MANSC1: variants seen among roughly 807,000 people sequenced by gnomAD.
MANSC1 encodes the protein MANSC domain containing 1.
Under a neutral mutation model 14.1 loss-of-function variants are expected in MANSC1, and 13 were observed. That is an observed-to-expected ratio of 0.92 (90% CI 0.60 to 1.46). The LOEUF is 1.46. MANSC1 is among the 40% of genes most tolerant of loss of function. The probability of loss-of-function intolerance (pLI) is 0.00; values close to 1 mark genes in which losing one functional copy is unlikely to be tolerated. For synonymous variants in MANSC1, 227 were observed against 200.7 expected, an observed-to-expected ratio of 1.13 and a Z score of -1.11; for missense variants, 486 against 511.4, an observed-to-expected ratio of 0.95 and a Z score of 0.48.
chr12:12,338,323 T>C, intron 3 of MANSC1, 97 bp downstream of exon 3: 1 of 1,112,746 alleles, frequency 9.0e-7, no homozygotes, highest in Non-Finnish European at 1.3e-6. Context: ...TGGTACCCCT[T>C]CTGGTAGTTT....
intron 3 of MANSC1, among the ~76,000 whole-genome samples, chr12:12,332,553 C>T (rs1047230824): frequency 2.0e-5 from 3 of 152,230 alleles, no homozygotes; most frequent in Non-Finnish European, 4.4e-5. Context: ...CAGAGTCTCA[C>T]TCTGTCGCCC....
rs1428628378 is a variant in MANSC1, at chr12:12,330,430, G to A, written c.893C>T (p.Ala298Val). The A allele has an allele frequency of 2.5e-6, 4 of 1,614,118 alleles. No homozygotes were observed. In the African/African-American group the frequency reaches 4.0e-5, roughly 16 times the overall value. Residue 298 changes from alanine (A) to valine (V), a missense_variant, in exon 4 of 4, where the codon GCT becomes GTT. Ala to Val is a moderately conservative substitution (Grantham distance 64). Transcript: ENST00000535902. The stretch of plus-strand genomic sequence containing the variant: ...GGTGGTAGTCAGAACTGCTGTTGTA[G>A]CCATTGCTTGGAGTGTAGCCGCAGC... ...TRAAATLQAM[A>V]TTAVLTTTFQ...
At chr12:12,345,995 C>G (rs1863004470) in intron 1 of MANSC1, among the ~76,000 whole-genome samples, 1 of 152,162 alleles carries the variant, frequency 6.6e-6, no homozygotes, top group Non-Finnish European at 1.5e-5. Context: ...GCTTCCTGGC[C>G]AGGCGCCATG....
chr12:12,338,845 G>A, intron 2 of MANSC1: 1 of 443,386 alleles, frequency 2.3e-6, no homozygotes, highest in Non-Finnish European at 4.1e-6. Flanking sequence ...GTCTTTAAAG[G>A]CCAAGAAGGC....
chr12:12,343,105 T>C lies in MANSC1; in HGVS notation c.210A>G (p.Thr70=). 6.2e-7 allele frequency: 1 copy of C among 1,613,152 alleles called. No homozygotes were observed. Among genetic ancestry groups the C allele is most frequent in the African/African-American group, 1.3e-5 (1 of 75,048 alleles). ...QEDCINSCCS[T]KNISGDKACN... ...ACCACTATTTACCTGATATGTTTTT[T>C]GTTGAACAGCAAGAATTAATGCAGT... Residue 70 remains threonine, a synonymous_variant, in exon 2 of 4, where the codon ACA becomes ACG. Transcript: ENST00000535902.
intron 3 of MANSC1, 105 bp downstream of exon 3, chr12:12,338,315 G>C: frequency 9.9e-7 from 1 of 1,008,262 alleles, no homozygotes; most frequent in Non-Finnish European, 1.4e-6. Context: ...GATATGTCTG[G>C]TACCCCTTCT....
At chr12:12,332,242 C>G (rs1396913108) in intron 3 of MANSC1, among the ~76,000 whole-genome samples, 5 of 152,230 alleles carry the variant, frequency 3.3e-5, no homozygotes, top group African/African-American at 1.2e-4. Context: ...CACTCCTGCT[C>G]TCTTTTCCTT....
chr12:12,338,890 A>AACACACACAAACACACACAC (rs1555141161), intron 2 of MANSC1: 1 of 191,076 alleles, frequency 5.2e-6, no homozygotes, highest in African/African-American at 2.5e-5. Context: ...CACACACACA[A>AACACACACAAACACACACAC]ACACACACAC....
rs1250154732 is a variant in MANSC1, at chr12:12,330,419, C to A, written c.904G>T (p.Val302Phe). Residue 302 changes from valine (V) to phenylalanine (F), a missense_variant, in exon 4 of 4, where the codon GTT becomes TTT. By Grantham distance (50) the Val-to-Phe change is conservative (BLOSUM62 -1). Transcript: ENST00000535902. Reference protein sequence around the residue: ...ATLQAMATTAVLTTTFQAPTD... With the variant: ...ATLQAMATTAFLTTTFQAPTD... Reference sequence around the variant, plus strand: ...GGTGCCTGAAAGGTGGTAGTCAGAACTGCTGTTGTAGCCATTGCTTGGAGT... The same window carrying A: ...GGTGCCTGAAAGGTGGTAGTCAGAAATGCTGTTGTAGCCATTGCTTGGAGT... 1.9e-6 allele frequency: 3 copies of A among 1,614,092 alleles called. No homozygotes were observed. Among genetic ancestry groups the A allele is most frequent in the African/African-American group, 2.7e-5 (2 of 74,928 alleles).
Position 12,338,463 on chromosome 12 carries a change from T to C in MANSC1, c.321A>G (p.Pro107=), listed in dbSNP as rs764306002. The change falls in exon 3 of 4, where the codon CCA becomes CCG. Residue 107 remains proline, a synonymous_variant. Transcript: ENST00000535902. ...TCATAAGTCCTTTTGCTGGTTTCAA[T>C]GGACAGGCTTCCTCGTTGGGACAGA... ...LFFCPNEEAC[P]LKPAKGLMSY... The C allele has an allele frequency of 2.5e-6, 4 of 1,611,270 alleles. No individual in the cohort carries two copies. Among genetic ancestry groups the C allele is most frequent in the East Asian group, 2.2e-5 (1 of 44,840 alleles).
chr12:12,339,993 G>A (rs973171473), intron 2 of MANSC1, among the ~76,000 whole-genome samples: 3 of 151,828 alleles, frequency 2.0e-5, no homozygotes, highest in Admixed American at 1.3e-4. Flanking sequence ...TTTGTTTTTT[G>A]TAGAGGCGGG....
Position 12,344,439 on chromosome 12 carries a change from G to A in MANSC1, c.-100-1025C>T, listed in dbSNP as rs577584861. ...TAGAATATAAGCAGGCAGAAAATGC[G>A]AAAAAGAGAGACTGGCCTGGCCTCC... is the stretch of plus-strand genomic sequence containing the variant. On this transcript the variant is annotated intron_variant, in intron 1 of 3. Transcript: ENST00000535902. 4.0e-5 allele frequency among the ~76,000 whole-genome samples: 6 copies of A among 150,552 alleles called. No homozygotes were observed. In the East Asian group the frequency reaches 7.8e-4, roughly 20 times the overall value.
intron 2 of MANSC1, chr12:12,338,880 CACACACACAA>C: frequency 5.6e-6 from 2 of 356,722 alleles, no homozygotes; most frequent in South Asian, 2.6e-5. Context: ...TCCACAACCA[CACACACACAA>C]ACACACACAC....
At chr12:12,342,584 GTTTTTT>G (rs760560592) in intron 2 of MANSC1, among the ~76,000 whole-genome samples, 20 of 41,794 alleles carry the variant, frequency 4.8e-4, no homozygotes, top group African/African-American at 4.8e-4. Flanking sequence ...GTGTTTTTTT[GTTTTTT>G]TTTTTTTTTT....
chr12:12,344,595 G>A (rs908459591), intron 1 of MANSC1, among the ~76,000 whole-genome samples: 11 of 151,048 alleles, frequency 7.3e-5, no homozygotes, highest in African/African-American at 2.2e-4. Context: ...TCAGCCTTCC[G>A]AGTAGCTGGG....
chr12:12,332,780 C>T (rs933164655), intron 3 of MANSC1, among the ~76,000 whole-genome samples: 7 of 152,142 alleles, frequency 4.6e-5, no homozygotes, highest in Non-Finnish European at 7.3e-5. Flanking sequence ...TTCGGTCTCC[C>T]AAAGTGCTGG....
Position 12,327,033 on chromosome 12 carries a change from C to T in MANSC1, c.*2994G>A, listed in dbSNP as rs1157437823. The T allele has an allele frequency of 6.6e-6, 1 of 152,292 alleles. No individual in the cohort carries two copies. The highest frequency in any genetic ancestry group is 1.5e-5 in the Non-Finnish European group (1 of 68,130). The allele number at this position is 152,292 out of a possible 1,614,324, so 9.4% of individuals were successfully genotyped here. ...CCATGTTGGCCAGGCTGGTCTAGAA[C>T]TCCTGACCTCAGGTGATCCACCCAC... is the stretch of plus-strand genomic sequence containing the variant. On this transcript the variant is annotated 3_prime_UTR_variant, in exon 4 of 4. Coordinates refer to ENST00000535902, the MANE Select transcript of MANSC1 (RefSeq NM_018050.4).
At chr12:12,335,319 G>A (rs375086349) in intron 3 of MANSC1, among the ~76,000 whole-genome samples, 83 of 150,556 alleles carry the variant, frequency 5.5e-4, no homozygotes, top group African/African-American at 1.9e-3. Context: ...GGGCGGCTAC[G>A]GTGAGCTTTG....
intron 3 of MANSC1, among the ~76,000 whole-genome samples, chr12:12,336,899 T>A (rs977992492): frequency 2.0e-5 from 3 of 152,208 alleles, no homozygotes; most frequent in African/African-American, 7.2e-5. Context: ...TAAATAATAT[T>A]TGTTATTTAT....
Sources: gnomAD v4.1 joint callset for allele counts (sites outside exome capture counted in the v4.1 genomes callset) on GRCh38, gnomAD v4.1.1 for gene constraint, MANE v1.5 for transcripts, NCBI Gene and HGNC (gene_info 2026-07-23, HGNC 2026-07-21) for gene names.